Variants in TG observed in about 807,000 individuals in gnomAD.
TG encodes thyroid hormones.
Under a neutral mutation model 324.7 loss-of-function variants are expected in TG, and 270 were observed. That is an observed-to-expected ratio of 0.83 (90% CI 0.75 to 0.92). The LOEUF (loss-of-function observed/expected upper bound fraction) is 0.92, where lower values mean the gene tolerates loss of function less well. Among genes scored for constraint, TG ranks in the 40% least tolerant of loss-of-function variants. The pLI, the probability that TG is intolerant of heterozygous loss-of-function variation, is 0.00. For synonymous variants in TG, 1,401 were observed against 1,327.0 expected (o/e 1.06, Z -1.21); for missense variants, 3,591 against 3,456.4 (o/e 1.04, Z -0.98).
Position 133,098,538 on chromosome 8 carries a change from A to G in TG, c.7572+2165A>G, listed in dbSNP as rs969882083. On this transcript the variant is annotated intron_variant, in intron 43 of 47. Transcript: ENST00000220616. ...TACAGGGGATGCAAAATCTCTGTGC[A>G]CAAGACACCATGTCCTCACAGCTCT... 3.3e-5 allele frequency among the ~76,000 whole-genome samples: 5 copies of G among 152,206 alleles called. No homozygotes were observed. The South Asian group carries it at 8.3e-4, about 25-fold the overall frequency.
In TG at chr8:133,133,657, G is replaced by C; in HGVS notation, c.8185G>C (p.Ala2729Pro). Residue 2729 changes from alanine to proline, a missense_variant, in exon 47 of 48, where the codon GCA (alanine) becomes CCA (proline). Transcript: ENST00000220616. ...GTACATCTCGTCTCTGAAGACATCT[G>C]CAGGTAGCAAAGCCCTGGGACAAGT... ...SKYISSLKTS[A>P]DGAKGGQSAE... 1 of 1,613,552 alleles carries C rather than the reference G, an allele frequency of 6.2e-7. No homozygotes were observed. Among genetic ancestry groups the C allele is most frequent in the Non-Finnish European group, 8.5e-7 (1 of 1,179,718 alleles).
intron 31 of TG, among the ~76,000 whole-genome samples, chr8:132,968,501 T>A (rs1184504135): frequency 6.6e-6 from 1 of 152,196 alleles, no homozygotes; most frequent in African/African-American, 2.4e-5. Context: ...TTTTGGAGAT[T>A]TTTTTTAACC....
At chr8:132,910,412 A>T (rs1328533410) in intron 18 of TG, among the ~76,000 whole-genome samples, 1 of 152,106 alleles carries the variant, frequency 6.6e-6, no homozygotes, top group Non-Finnish European at 1.5e-5. Context: ...TGATAAACTG[A>T]CTTCCCCTTG....
intron 25 of TG, among the ~76,000 whole-genome samples, chr8:132,938,880 G>A (rs537541796): frequency 6.6e-6 from 1 of 152,114 alleles, no homozygotes; most frequent in Non-Finnish European, 1.5e-5. Context: ...GTGAAACCCT[G>A]TCTCTACTAA....
chr8:132,872,201 G>A (rs368837597), intron 4 of TG, among the ~76,000 whole-genome samples: 75 of 152,150 alleles, frequency 4.9e-4, no homozygotes, highest in African/African-American at 1.2e-3. Context: ...AATATTGGCC[G>A]GGCGCGGTGG....
intron 16 of TG, among the ~76,000 whole-genome samples, chr8:132,904,585 G>A (rs1422109223): frequency 6.6e-6 from 1 of 152,110 alleles, no homozygotes; most frequent in East Asian, 1.9e-4. Flanking sequence ...AGTGACATGG[G>A]GAATAAGGCT....
At chr8:133,116,283 A>G (rs994092254) in intron 44 of TG, among the ~76,000 whole-genome samples, 2 of 152,192 alleles carry the variant, frequency 1.3e-5, no homozygotes, top group African/African-American at 4.8e-5. Context: ...TTTTGCTTCC[A>G]TGTCTTTAAG....
At chr8:133,064,427 T>G (rs1842793684) in intron 41 of TG, among the ~76,000 whole-genome samples, 1 of 152,248 alleles carries the variant, frequency 6.6e-6, no homozygotes, top group African/African-American at 2.4e-5. Context: ...GTATTTAATC[T>G]TACAAGCATT....
intron 35 of TG, among the ~76,000 whole-genome samples, chr8:132,997,895 G>A (rs1022538360): frequency 6.6e-6 from 1 of 152,100 alleles, no homozygotes; most frequent in Non-Finnish European, 1.5e-5. Flanking sequence ...TATTTTTTAG[G>A]GAAATGGGTC....
At position 133,084,898 on chromosome 8, in the gene TG, G is replaced by A. The variant is rs184456180; in HGVS notation, c.7240-10146G>A. Among the ~76,000 whole-genome samples the A allele has an allele frequency of 1.6e-4, 25 of 152,386 alleles. No homozygotes were observed. In the East Asian group the frequency reaches 3.3e-3, roughly 20 times the overall value. Reference sequence around the variant, plus strand: ...GCAGATTCTGTTTGGCACATAGAGGGTGGGTAGTGTCATGGCTTTGGAGAA... The same window carrying A: ...GCAGATTCTGTTTGGCACATAGAGGATGGGTAGTGTCATGGCTTTGGAGAA... On this transcript the variant is annotated intron_variant, in intron 41 of 47. Coordinates refer to ENST00000220616, the MANE Select transcript of TG (RefSeq NM_003235.5).
chr8:133,101,591 C>T (rs1298472335), intron 43 of TG, among the ~76,000 whole-genome samples: 1 of 150,936 alleles, frequency 6.6e-6, no homozygotes, highest in African/African-American at 2.4e-5. Flanking sequence ...TAAATTGCCA[C>T]ATCCACCTAA....
chr8:133,080,234 G>T (rs1845542635), intron 41 of TG, among the ~76,000 whole-genome samples: 1 of 152,202 alleles, frequency 6.6e-6, no homozygotes, highest in African/African-American at 2.4e-5. Flanking sequence ...GGAGCAGACA[G>T]AAAGGAAAGG....
At chr8:133,015,877 T>C (rs1441160300) in intron 37 of TG, among the ~76,000 whole-genome samples, 2 of 152,242 alleles carry the variant, frequency 1.3e-5, no homozygotes, top group Admixed American at 6.5e-5. Flanking sequence ...TTCTAACTCA[T>C]ATTCCAATGT....
intron 27 of TG, among the ~76,000 whole-genome samples, chr8:132,956,722 C>T (rs1826932414): frequency 1.3e-5 from 2 of 152,080 alleles, no homozygotes; most frequent in African/African-American, 4.8e-5. Flanking sequence ...GTAGCTCCTG[C>T]AGGACCAAAG....
intron 41 of TG, among the ~76,000 whole-genome samples, chr8:133,087,071 T>TACACACACACACAC (rs56028043): frequency 1.1e-4 from 16 of 143,046 alleles, no homozygotes; most frequent in African/African-American, 3.9e-4. Context: ...AATATATGTT[T>TACACACACACACAC]ACACACACAC....
rs1851970026 is a variant in TG at position 133,131,848 on chromosome 8, G to T, written c.7899G>T (p.Gly2633=). Residue 2633 remains glycine (G), a synonymous_variant, in exon 46 of 48, where the codon GGG becomes GGT. Coordinates refer to ENST00000220616, the MANE Select transcript of TG (RefSeq NM_003235.5). The part of the protein sequence containing the change: ...ELLADVQFAL[G]LPFYPAYEGQ... ...TGGCGGATGTTCAGTTTGCCTTGGG[G>T]CTTCCCTTCTACCCAGCCTACGAGG... 5 of 1,614,162 alleles carry T rather than the reference G, an allele frequency of 3.1e-6. No individual in the cohort carries two copies. The East Asian group carries it at 8.9e-5, about 29-fold the overall frequency.
At chr8:132,905,709 A>G (rs1818575423) in intron 16 of TG, among the ~76,000 whole-genome samples, 1 of 152,170 alleles carries the variant, frequency 6.6e-6, no homozygotes, top group African/African-American at 2.4e-5. Context: ...GACTCAACCC[A>G]GTGGGGTGAC....
At position 132,893,796 on chromosome 8, in the gene TG, T is replaced by G. The variant is rs759082697; in HGVS notation, c.2868T>G (p.Ser956Arg). Reference sequence around the variant, plus strand: ...GTTCTCGGTTCCCTCTGGGGGAGAGTTTCCTGGTGGCCAAGGGAATCCGGC... The same window carrying G: ...GTTCTCGGTTCCCTCTGGGGGAGAGGTTCCTGGTGGCCAAGGGAATCCGGC... ...SNSSRFPLGESFLVAKGIRLR... is the reference protein window; with the variant it reads ...SNSSRFPLGERFLVAKGIRLR... Residue 956 changes from serine to arginine, a missense_variant, in exon 11 of 48, where the codon AGT becomes AGG. Transcript: ENST00000220616. The G allele has an allele frequency of 3.7e-5, 59 of 1,613,696 alleles. No individual in the cohort carries two copies. Among genetic ancestry groups the G allele is most frequent in the Non-Finnish European group, 4.9e-5 (58 of 1,179,872 alleles).
At chr8:132,874,909 C>A (rs1266823710) in intron 5 of TG, among the ~76,000 whole-genome samples, 1 of 152,136 alleles carries the variant, frequency 6.6e-6, no homozygotes, top group African/African-American at 2.4e-5. Context: ...GCTCCGGGTC[C>A]CTCTGTGCTC....
Sources: allele counts gnomAD v4.1 joint callset (sites outside exome capture counted in the v4.1 genomes callset), GRCh38; gene constraint gnomAD v4.1.1; transcripts MANE v1.5; gene names NCBI Gene and HGNC (gene_info 2026-07-23, HGNC 2026-07-21).